The following CA10 variants were observed in gnomAD, a reference collection of about 807,000 sequenced individuals.
The protein encoded by CA10 is carbonic anhydrase 10 (inactive), also known as carbonic anhydrase-related protein 10.
A neutral mutation model predicts 44.2 loss-of-function variants in CA10; 14 were observed. That is an observed-to-expected ratio of 0.32 (90% CI 0.21 to 0.50). The LOEUF (loss-of-function observed/expected upper bound fraction) is 0.50, where lower values mean the gene tolerates loss of function less well. CA10 is among the 20% of genes least tolerant of loss of function. CA10 has a pLI of 0.99. For missense variants in CA10, 350 were observed against 409.7 expected (o/e 0.85, Z 1.26); for synonymous variants, 159 against 141.6 (o/e 1.12, Z -0.87).
chr17:51,759,358 CTG>C (rs5820879), intron 3 of CA10, among the ~76,000 whole-genome samples: 98,218 of 141,772 alleles, frequency 0.69, 33,810 homozygotes, highest in East Asian at 0.87. Flanking sequence ...CTTCTTTGCT[CTG>C]TGTGTGTGTG....
chr17:52,151,930 T>C (rs1989710596), intron 1 of CA10, among the ~76,000 whole-genome samples: 1 of 152,164 alleles, frequency 6.6e-6, no homozygotes, highest in Non-Finnish European at 1.5e-5. Context: ...TACTCTCATA[T>C]GATGTGTATG....
intron 3 of CA10, among the ~76,000 whole-genome samples, chr17:51,760,875 T>C (rs1391590908): frequency 1.3e-5 from 2 of 152,242 alleles, no homozygotes; most frequent in East Asian, 3.9e-4. Context: ...TCCAAAATAT[T>C]ATTTCAACAT....
chr17:51,692,848 C>T (rs537815384), intron 4 of CA10, among the ~76,000 whole-genome samples: 8 of 152,234 alleles, frequency 5.3e-5, no homozygotes, highest in Non-Finnish European at 7.4e-5. Flanking sequence ...TTCAACTGGC[C>T]GTGACTGGCT....
chr17:51,779,271 G>C (rs917082642), intron 3 of CA10, among the ~76,000 whole-genome samples: 1 of 152,104 alleles, frequency 6.6e-6, no homozygotes, highest in Non-Finnish European at 1.5e-5. Flanking sequence ...TTCCCAGATG[G>C]AATTCTGGCC....
intron 2 of CA10, among the ~76,000 whole-genome samples, chr17:51,972,158 A>G (rs1056299073): frequency 1.3e-5 from 2 of 152,140 alleles, no homozygotes. Flanking sequence ...GGAATCAAAA[A>G]AAGAACAAGA....
Position 52,043,191 on chromosome 17 carries a change from C to T in CA10, c.136+29128G>A, listed in dbSNP as rs75292294. ...TTTCGTAGCATGAGCATTTTAACAA[C>T]GTTAATCCTTCCAATTCATTAACAC... On this transcript the variant is annotated intron_variant, in intron 2 of 8. Transcript: ENST00000451037. 6.4e-3 allele frequency among the ~76,000 whole-genome samples: 971 copies of T among 152,152 alleles called. 11 individuals carry two copies. The highest frequency in any genetic ancestry group is 0.02 in the African/African-American group (825 of 41,542).
chr17:52,134,562 C>A (rs1384991703), intron 1 of CA10, among the ~76,000 whole-genome samples: 1 of 152,106 alleles, frequency 6.6e-6, no homozygotes, highest in Non-Finnish European at 1.5e-5. Context: ...CAATCAATAC[C>A]AGCAGCTAGT....
intron 1 of CA10, among the ~76,000 whole-genome samples, chr17:52,124,571 C>T (rs1989079367): frequency 6.6e-6 from 1 of 152,184 alleles, no homozygotes; most frequent in South Asian, 2.1e-4. Flanking sequence ...AATTCTTTAG[C>T]ATGATATATA....
intron 2 of CA10, among the ~76,000 whole-genome samples, chr17:52,037,560 A>G (rs904994579): frequency 1.3e-5 from 2 of 152,090 alleles, no homozygotes; most frequent in Admixed American, 6.6e-5. Context: ...TCAAAGAGCA[A>G]TTTTTCTCCC....
intron 3 of CA10, among the ~76,000 whole-genome samples, chr17:51,820,985 A>G (rs1907759247): frequency 1.3e-5 from 2 of 150,906 alleles, no homozygotes; most frequent in Admixed American, 1.3e-4. Context: ...GTAGCTGATT[A>G]ATTTCTTCAA....
intron 3 of CA10, among the ~76,000 whole-genome samples, chr17:51,832,676 A>C (rs1254983344): frequency 6.6e-6 from 1 of 152,160 alleles, no homozygotes; most frequent in Non-Finnish European, 1.5e-5. Context: ...CTGGAGAAAA[A>C]CCAGGAGCTT....
At chr17:51,663,153 C>T (rs1597970439) in intron 4 of CA10, among the ~76,000 whole-genome samples, 1 of 151,760 alleles carries the variant, frequency 6.6e-6, no homozygotes, top group Non-Finnish European at 1.5e-5. Context: ...ACAAGATAAA[C>T]AGATGAGATA....
rs373593617 is a variant in CA10, at chr17:51,900,150, C to T, written c.279+30840G>A. 9.9e-5 allele frequency among the ~76,000 whole-genome samples: 15 copies of T among 152,106 alleles called. No individual in the cohort carries two copies. In the East Asian group the frequency reaches 2.7e-3, roughly 28 times the overall value. On this transcript the variant is annotated intron_variant, in intron 3 of 8. Coordinates refer to ENST00000451037, the MANE Select transcript of CA10 (RefSeq NM_020178.5). ...CAATATTCTACACATTTGTGTGTTC[C>T]TGTGGTGGCCCATAATGGTCTTTCC...
rs56145404 is a variant in CA10 at position 51,754,400 on chromosome 17, G to GATAT, written c.280-6586_280-6583dup. Among the ~76,000 whole-genome samples, 593 of 72,910 alleles carry GATAT rather than the reference G, an allele frequency of 8.1e-3. 7 individuals carry two copies. Among genetic ancestry groups the GATAT allele is most frequent in the Middle Eastern group, 0.011 (1 of 92 alleles). 47.8% of individuals were successfully genotyped at this position (72,910 alleles called of 152,430 possible). ...CACATACATACTACTGTGTGTGTGT[G>GATAT]ATATATATATATATATATATATATA... On this transcript the variant is annotated intron_variant, in intron 3 of 8. Coordinates refer to ENST00000451037, the MANE Select transcript of CA10 (RefSeq NM_020178.5).
chr17:51,738,148 T>C (rs778115939), intron 4 of CA10, among the ~76,000 whole-genome samples: 3 of 152,214 alleles, frequency 2.0e-5, no homozygotes, highest in African/African-American at 2.4e-5. Flanking sequence ...TTAGTTCATA[T>C]TTTAATCCTC....
At chr17:51,812,291 C>T (rs1399139941) in intron 3 of CA10, among the ~76,000 whole-genome samples, 1 of 152,160 alleles carries the variant, frequency 6.6e-6, no homozygotes, top group Non-Finnish European at 1.5e-5. Flanking sequence ...TAATTCTTTT[C>T]ATAATTTTAC....
At chr17:51,996,269 A>G (rs1482958363) in intron 2 of CA10, among the ~76,000 whole-genome samples, 1 of 151,872 alleles carries the variant, frequency 6.6e-6, no homozygotes, top group South Asian at 2.1e-4. Flanking sequence ...TCCACACTTC[A>G]CAATCATACC....
rs74634356 is a variant in CA10 at position 52,061,157 on chromosome 17, T to C, written c.136+11162A>G. On this transcript the variant is annotated intron_variant, in intron 2 of 8. Transcript: ENST00000451037. ...AAAATATATTTTGCAGATATGATTA[T>C]GTCAAGGATCTTACGATGGGGAGAT... Among the ~76,000 whole-genome samples, 1,170 of 152,330 alleles carry C rather than the reference T, an allele frequency of 7.7e-3. 12 individuals are homozygous for C. Among genetic ancestry groups the C allele is most frequent in the African/African-American group, 0.027 (1,115 of 41,580 alleles).
chr17:51,749,442 G>A (rs1904818295), intron 3 of CA10, among the ~76,000 whole-genome samples: 1 of 152,206 alleles, frequency 6.6e-6, no homozygotes, highest in Non-Finnish European at 1.5e-5. Context: ...CCACAGTGAG[G>A]AGAGCCATCC....
Sources: allele counts gnomAD v4.1 joint callset (sites outside exome capture counted in the v4.1 genomes callset), GRCh38; gene constraint gnomAD v4.1.1; transcripts MANE v1.5; gene names NCBI Gene and HGNC (gene_info 2026-07-23, HGNC 2026-07-21).